The following COL28A1 variants were observed in gnomAD, a reference collection of about 807,000 sequenced individuals.
COL28A1 encodes the protein collagen type XXVIII alpha 1 chain.
COL28A1 carries 161 observed loss-of-function variants against 150.2 expected under a neutral mutation model. That is an observed-to-expected ratio of 1.07 (90% CI 0.94 to 1.22). The LOEUF (loss-of-function observed/expected upper bound fraction) is 1.22, where lower values mean the gene tolerates loss of function less well. Among genes scored for constraint, COL28A1 ranks in the 50% most tolerant of loss-of-function variants. The pLI is 0.00. For synonymous variants in COL28A1, 552 were observed against 469.7 expected (o/e 1.18, Z -2.26); for missense variants, 1,617 against 1,388.3 (o/e 1.16, Z -2.62).
At chr7:7,433,277 C>T (rs7781225) in intron 23 of COL28A1, among the ~76,000 whole-genome samples, 27 of 152,032 alleles carry the variant, frequency 1.8e-4, no homozygotes, top group African/African-American at 6.0e-4. Context: ...AAACAGCAAT[C>T]AGAAAATTTC....
chr7:7,370,059 T>C (rs1195661681), intron 33 of COL28A1, among the ~76,000 whole-genome samples: 1 of 152,166 alleles, frequency 6.6e-6, no homozygotes, highest in Non-Finnish European at 1.5e-5. Context: ...TATTTGCCCA[T>C]AATCTGATTG....
chr7:7,435,139 T>C lies in COL28A1; in HGVS notation c.1860+1256A>G, dbSNP rs555602069. On this transcript the variant is annotated intron_variant, in intron 23 of 34. Coordinates refer to ENST00000399429, the MANE Select transcript of COL28A1 (RefSeq NM_001037763.3). ...CATCACCTATAATGCCTAATAATCA[T>C]CAACAGAAAACAGGTGAGGCCTATA... 7.9e-5 allele frequency among the ~76,000 whole-genome samples: 12 copies of C among 152,262 alleles called. No individual in the cohort carries two copies. In the East Asian group the frequency reaches 1.9e-3, roughly 25 times the overall value.
intron 27 of COL28A1, among the ~76,000 whole-genome samples, chr7:7,407,035 T>G (rs1783527515): frequency 6.6e-6 from 1 of 151,818 alleles, no homozygotes; most frequent in Non-Finnish European, 1.5e-5. Context: ...TAACTGAAAC[T>G]AAAAACTCAA....
chr7:7,500,820 A>G (rs1053456796), intron 11 of COL28A1, among the ~76,000 whole-genome samples: 3 of 152,150 alleles, frequency 2.0e-5, no homozygotes, highest in Non-Finnish European at 4.4e-5. Flanking sequence ...AACCTCAGAA[A>G]CTGGGATGGA....
chr7:7,398,287 A>T (rs1782964131), intron 27 of COL28A1, among the ~76,000 whole-genome samples: 1 of 152,230 alleles, frequency 6.6e-6, no homozygotes, highest in African/African-American at 2.4e-5. Flanking sequence ...CTTACAGTCA[A>T]ATGTTCTCCA....
chr7:7,351,362 C>A (rs1216954316), downstream of COL28A1, among the ~76,000 whole-genome samples: 2 of 152,152 alleles, frequency 1.3e-5, no homozygotes, highest in East Asian at 3.9e-4. Flanking sequence ...AGGCCAGAAG[C>A]CACAGAAGAC....
intron 27 of COL28A1, among the ~76,000 whole-genome samples, chr7:7,394,916 T>C (rs1782751471): frequency 6.6e-6 from 1 of 152,212 alleles, no homozygotes; most frequent in Admixed American, 6.5e-5. Flanking sequence ...AGGTTCACTC[T>C]TAAGGAGAAA....
At chr7:7,404,111 T>C (rs1419656433) in intron 27 of COL28A1, among the ~76,000 whole-genome samples, 1 of 152,012 alleles carries the variant, frequency 6.6e-6, no homozygotes, top group Non-Finnish European at 1.5e-5. Flanking sequence ...AAGGATTTAG[T>C]AAACTTACGC....
intron 15 of COL28A1, among the ~76,000 whole-genome samples, chr7:7,462,369 A>G (rs1787699815): frequency 6.6e-6 from 1 of 152,226 alleles, no homozygotes; most frequent in South Asian, 2.1e-4. Flanking sequence ...ATAGATCCAA[A>G]CAAGAAGACA....
At chr7:7,398,672 G>T (rs1423491354) in intron 27 of COL28A1, among the ~76,000 whole-genome samples, 1 of 152,194 alleles carries the variant, frequency 6.6e-6, no homozygotes, top group Non-Finnish European at 1.5e-5. Context: ...ACAGCTATCT[G>T]TAAAACCTGC....
upstream of COL28A1, among the ~76,000 whole-genome samples, chr7:7,537,137 C>T (rs1282542198): frequency 6.6e-6 from 1 of 152,188 alleles, no homozygotes; most frequent in East Asian, 1.9e-4. Context: ...TAACTGCTTA[C>T]CTGCATATTC....
intron 15 of COL28A1, among the ~76,000 whole-genome samples, chr7:7,466,069 C>T (rs1307730720): frequency 7.5e-6 from 1 of 134,074 alleles, no homozygotes; most frequent in Non-Finnish European, 1.6e-5. Context: ...CAAAGGAACG[C>T]AGTTCCTCAC....
intron 21 of COL28A1, among the ~76,000 whole-genome samples, chr7:7,440,376 A>C (rs1785679672): frequency 1.3e-5 from 2 of 152,240 alleles, no homozygotes; most frequent in South Asian, 4.1e-4. Flanking sequence ...CAAGAGGTTC[A>C]TGGCACAGGA....
chr7:7,363,480 G>A (rs1219348379), intron 33 of COL28A1, among the ~76,000 whole-genome samples: 1 of 152,072 alleles, frequency 6.6e-6, no homozygotes, highest in Admixed American at 6.5e-5. Context: ...TTCAACAAAT[G>A]CATAATTATT....
rs561708696 is a variant in COL28A1, at chr7:7,454,325, A to C, written c.1372-817T>G. 2.2e-3 allele frequency among the ~76,000 whole-genome samples: 330 copies of C among 152,310 alleles called. 1 individual carries two copies. The highest frequency in any genetic ancestry group is 7.4e-3 in the African/African-American group (306 of 41,570). On this transcript the variant is annotated intron_variant, in intron 16 of 34. Transcript: ENST00000399429. ...AAGAATTCAATGGATAAACACATCA[A>C]ATTAAAGAACATTGAATAACTGCAT...
At chr7:7,435,270 A>G (rs2128316085) in intron 23 of COL28A1, among the ~76,000 whole-genome samples, 1 of 152,332 alleles carries the variant, frequency 6.6e-6, no homozygotes, top group East Asian at 1.9e-4. Flanking sequence ...CAATCTATCA[A>G]AATTGTCATG....
intron 18 of COL28A1, among the ~76,000 whole-genome samples, chr7:7,451,171 G>A (rs372113266): frequency 6.4e-4 from 98 of 152,072 alleles, no homozygotes; most frequent in African/African-American, 2.2e-3. Context: ...AAGCTGGGCC[G>A]TGGAATACAT....
At chr7:7,475,173 T>C (rs1045880507) in intron 14 of COL28A1, among the ~76,000 whole-genome samples, 4 of 152,214 alleles carry the variant, frequency 2.6e-5, no homozygotes, top group Non-Finnish European at 5.9e-5. Flanking sequence ...AAAATCTTCT[T>C]AGATATGCTC....
chr7:7,457,741 G>C (rs975098987), intron 15 of COL28A1, among the ~76,000 whole-genome samples: 2 of 152,224 alleles, frequency 1.3e-5, no homozygotes, highest in African/African-American at 4.8e-5. Context: ...AGCAGCCAGA[G>C]AGACCAAGTG....
Sources: allele counts gnomAD v4.1 joint callset (sites outside exome capture counted in the v4.1 genomes callset), GRCh38; gene constraint gnomAD v4.1.1; transcripts MANE v1.5; gene names NCBI Gene and HGNC (gene_info 2026-07-23, HGNC 2026-07-21).